The following PPP2R2B variants were observed in gnomAD, a reference collection of about 807,000 sequenced individuals.
The protein encoded by PPP2R2B is serine/threonine-protein phosphatase 2A 55 kDa regulatory subunit B beta isoform.
In PPP2R2B, 5 loss-of-function variants were observed where a neutral mutation model predicts 46.0. That is an observed-to-expected ratio of 0.11 (90% confidence interval 0.06 to 0.23). The LOEUF is 0.23. PPP2R2B is among the 10% of genes least tolerant of loss of function. The pLI, the probability that PPP2R2B is intolerant of heterozygous loss-of-function variation, is 1.00. For synonymous variants in PPP2R2B, 215 were observed against 206.7 expected, an observed-to-expected ratio of 1.04 and a Z score of -0.34; for missense variants, 367 against 575.0, an observed-to-expected ratio of 0.64 and a Z score of 3.70.
chr5:146,756,776 A>G (rs1753858925), intron 2 of PPP2R2B, among the ~76,000 whole-genome samples: 1 of 152,216 alleles, frequency 6.6e-6, no homozygotes, highest in African/African-American at 2.4e-5. Context: ...CATAGTCAAC[A>G]TTCAGTGACT....
At chr5:146,808,678 A>G (rs1371447128) in intron 2 of PPP2R2B, among the ~76,000 whole-genome samples, 1 of 149,930 alleles carries the variant, frequency 6.7e-6, no homozygotes, top group Non-Finnish European at 1.5e-5. Context: ...GTTCACTGTG[A>G]CAACTCCTCA....
intron 2 of PPP2R2B, among the ~76,000 whole-genome samples, chr5:146,755,705 G>A (rs1753793095): frequency 6.6e-6 from 1 of 152,218 alleles, no homozygotes; most frequent in Non-Finnish European, 1.5e-5. Flanking sequence ...TTGTTGTCAG[G>A]TAAGGTTATG....
intron 1 of PPP2R2B, among the ~76,000 whole-genome samples, chr5:146,976,108 T>TTTATTATTATTATTATTATTATAA (rs1752890777): frequency 6.1e-5 from 8 of 130,682 alleles, no homozygotes; most frequent in African/African-American, 2.2e-4. Context: ...TTTTAAAAAA[T>TTTATTATTATTATTATTATTATAA]TTATTATTAT....
chr5:146,969,849 A>G (rs1752589033), intron 1 of PPP2R2B, among the ~76,000 whole-genome samples: 2 of 152,220 alleles, frequency 1.3e-5, no homozygotes, highest in Non-Finnish European at 2.9e-5. Flanking sequence ...AAGGATGATG[A>G]GTTCTCTTTT....
chr5:146,881,571 C>G (rs1054372739), upstream of PPP2R2B, among the ~76,000 whole-genome samples: 13 of 152,062 alleles, frequency 8.5e-5, 1 homozygote, highest in African/African-American at 2.2e-4. Context: ...ACCACCACAC[C>G]CAGCTAATTT....
upstream of PPP2R2B, among the ~76,000 whole-genome samples, chr5:147,056,943 G>C (rs144312027): frequency 6.0e-4 from 91 of 152,266 alleles, no homozygotes; most frequent in East Asian, 0.016. Flanking sequence ...GAGGCACAAG[G>C]AAATGATTTA....
chr5:146,756,242 C>T (rs1301352369), intron 2 of PPP2R2B, among the ~76,000 whole-genome samples: 1 of 152,154 alleles, frequency 6.6e-6, no homozygotes, highest in Non-Finnish European at 1.5e-5. Flanking sequence ...TTATACCCTA[C>T]AAAGTGGGTT....
In PPP2R2B at chr5:146,590,046, A is replaced by AAAGTC. The variant is rs1770444963; in HGVS notation, c.1228_1232dup (p.Phe411LeufsTer19). On this transcript the variant is annotated frameshift_variant, in exon 10 of 10. Transcript: ENST00000394411. LOFTEE classifies it high-confidence loss of function. ...AAGCTGTATGCAAGATCTTTTTGCT[A>AAAGTC]AAGTCCAGACTGTCGACACTGATCT... The AAAGTC allele has an allele frequency of 6.2e-7, 1 of 1,614,050 alleles. No homozygotes were observed. The highest frequency in any genetic ancestry group is 1.7e-5 in the Admixed American group (1 of 59,990).
intron 4 of PPP2R2B, among the ~76,000 whole-genome samples, chr5:146,692,402 C>G (rs1050003508): frequency 6.6e-6 from 1 of 152,094 alleles, no homozygotes; most frequent in Non-Finnish European, 1.5e-5. Context: ...GAACTCCTAT[C>G]CCTACAGAAC....
chr5:146,925,423 T>C (rs1179814474), intron 1 of PPP2R2B, among the ~76,000 whole-genome samples: 1 of 152,212 alleles, frequency 6.6e-6, no homozygotes, highest in Non-Finnish European at 1.5e-5. Context: ...AGAATTCTTG[T>C]TTGACATTAT....
chr5:146,968,751 T>C (rs1445461855), intron 1 of PPP2R2B, among the ~76,000 whole-genome samples: 1 of 152,238 alleles, frequency 6.6e-6, no homozygotes, highest in Admixed American at 6.5e-5. Context: ...CCAATCTTCA[T>C]GTGCAAATAA....
chr5:147,024,832 T>C (rs899176374), intron 1 of PPP2R2B, among the ~76,000 whole-genome samples: 1 of 152,016 alleles, frequency 6.6e-6, no homozygotes, highest in African/African-American at 2.4e-5. Context: ...TAGAAGAAAA[T>C]TTATAGCTTT....
intron 7 of PPP2R2B, 113 bp from the exon 8 acceptor site, chr5:146,600,573 G>T (rs535436167): frequency 5.8e-6 from 6 of 1,026,932 alleles, no homozygotes; most frequent in Non-Finnish European, 8.5e-6. Context: ...AGTAGGGCTG[G>T]TGTCTGCAGA....
intron 1 of PPP2R2B, among the ~76,000 whole-genome samples, chr5:146,925,076 A>G (rs1314125966): frequency 6.6e-6 from 1 of 152,166 alleles, no homozygotes; most frequent in African/African-American, 2.4e-5. Flanking sequence ...CCTTTGTGCT[A>G]TTACTGTCCT....
intron 4 of PPP2R2B, among the ~76,000 whole-genome samples, chr5:146,693,533 G>C (rs984661959): frequency 6.6e-6 from 1 of 152,098 alleles, no homozygotes; most frequent in Non-Finnish European, 1.5e-5. Context: ...TATTTCTTAA[G>C]CAACAAATAG....
chr5:147,046,076 G>A (rs62377606), intron 1 of PPP2R2B, among the ~76,000 whole-genome samples: 25,184 of 151,996 alleles, frequency 0.17, 2,717 homozygotes, highest in East Asian at 0.33. Context: ...TAATTTATTT[G>A]CCTTCCATAA....
In PPP2R2B at chr5:146,732,562, T is replaced by C. The variant is rs569984090; in HGVS notation, c.71-31420A>G. Among the ~76,000 whole-genome samples the C allele has an allele frequency of 3.3e-5, 5 of 152,316 alleles. No individual in the cohort carries two copies. In the South Asian group the frequency reaches 6.2e-4, roughly 19 times the overall value. ...TTGTAGAACAAACCTGGAAGTGAAT[T>C]CCAGTTGAAACCATGCTCATGGTAA... On this transcript the variant is annotated intron_variant, in intron 2 of 9. Coordinates refer to ENST00000394411, the MANE Select transcript of PPP2R2B (RefSeq NM_181675.4).
intron 3 of PPP2R2B, among the ~76,000 whole-genome samples, chr5:146,699,000 A>G (rs1242718540): frequency 3.3e-5 from 5 of 152,208 alleles, no homozygotes; most frequent in African/African-American, 7.2e-5. Context: ...AAGAAGAAGA[A>G]GAGGAGGAAA....
chr5:146,662,159 T>C (rs1048012400), intron 5 of PPP2R2B, among the ~76,000 whole-genome samples: 2 of 152,150 alleles, frequency 1.3e-5, no homozygotes, highest in Non-Finnish European at 2.9e-5. Context: ...CCGTGGAATA[T>C]ACAGAACCAA....
Sources: gnomAD v4.1 joint callset for allele counts (sites outside exome capture counted in the v4.1 genomes callset) on GRCh38, gnomAD v4.1.1 for gene constraint, MANE v1.5 for transcripts, NCBI Gene and HGNC (gene_info 2026-07-23, HGNC 2026-07-21) for gene names.